The following ASAP2 variants were observed in gnomAD, a reference collection of about 807,000 sequenced individuals.
The protein encoded by ASAP2 is arf-GAP with SH3 domain, ANK repeat and PH domain-containing protein 2.
In ASAP2, 45 loss-of-function variants were observed where a neutral mutation model predicts 131.4. The ratio of observed to expected loss-of-function variants is 0.34; its 90% CI spans 0.27 to 0.44. ASAP2 has a LOEUF of 0.44. ASAP2 is among the 20% of genes least tolerant of loss of function. The probability of loss-of-function intolerance (pLI) is 1.00; values close to 1 mark genes in which losing one functional copy is unlikely to be tolerated. For synonymous variants in ASAP2, 510 were observed against 503.0 expected, an observed-to-expected ratio of 1.01 and a Z score of -0.19; for missense variants, 1,011 against 1,297.0, an observed-to-expected ratio of 0.78 and a Z score of 3.39.
intron 5 of ASAP2, among the ~76,000 whole-genome samples, chr2:9,322,110 C>A (rs951412942): frequency 4.6e-5 from 7 of 152,204 alleles, no homozygotes; most frequent in African/African-American, 1.7e-4. Context: ...TCCAGTCACA[C>A]TCCTTTCCGG....
At chr2:9,320,466 G>A in intron 5 of ASAP2, 129 bp downstream of exon 5, 1 of 672,704 alleles carries the variant, frequency 1.5e-6, no homozygotes. Flanking sequence ...CAGCCATGTT[G>A]CTGTGGTTCA....
intron 1 of ASAP2, among the ~76,000 whole-genome samples, chr2:9,254,231 A>G (rs1382145803): frequency 9.6e-6 from 1 of 104,122 alleles, no homozygotes; most frequent in East Asian, 2.0e-4. Flanking sequence ...AAAAAAAAAA[A>G]AAAAAATATA....
chr2:9,238,231 T>C (rs1421643363), intron 1 of ASAP2, among the ~76,000 whole-genome samples: 7 of 152,214 alleles, frequency 4.6e-5, no homozygotes, highest in African/African-American at 1.7e-4. Flanking sequence ...TTGTTCTGTT[T>C]TTAAAACCTC....
At chr2:9,280,123 C>T (rs1038345455) in intron 2 of ASAP2, among the ~76,000 whole-genome samples, 6 of 152,170 alleles carry the variant, frequency 3.9e-5, no homozygotes, top group South Asian at 2.1e-4. Context: ...GGAGCTTGCC[C>T]GTGCTCAGGT....
intron 11 of ASAP2, among the ~76,000 whole-genome samples, chr2:9,345,589 G>A (rs1362678458): frequency 6.6e-6 from 1 of 152,132 alleles, no homozygotes; most frequent in Non-Finnish European, 1.5e-5. Context: ...CAAGGCCGAG[G>A]TCGTTGCCTT....
chr2:9,329,137 C>T (rs1294962068), intron 7 of ASAP2, among the ~76,000 whole-genome samples: 1 of 152,124 alleles, frequency 6.6e-6, no homozygotes, highest in Non-Finnish European at 1.5e-5. Flanking sequence ...GGGGGAAGAA[C>T]ATTCCAGGCA....
intron 3 of ASAP2, among the ~76,000 whole-genome samples, chr2:9,298,271 C>T (rs1668273734): frequency 6.6e-6 from 1 of 152,132 alleles, no homozygotes; most frequent in African/African-American, 2.4e-5. Context: ...AAGCTCATAA[C>T]AAGTGAAAAA....
chr2:9,387,616 G>A (rs935816296), intron 21 of ASAP2, among the ~76,000 whole-genome samples: 1 of 152,118 alleles, frequency 6.6e-6, no homozygotes, highest in Non-Finnish European at 1.5e-5. Context: ...TTTGGGAAGG[G>A]GAACTTCAGG....
intron 2 of ASAP2, among the ~76,000 whole-genome samples, chr2:9,286,447 A>AAATATAT (rs58605449): frequency 3.4e-5 from 5 of 148,488 alleles, no homozygotes; most frequent in Admixed American, 1.3e-4. Flanking sequence ...GAAAAAAAAA[A>AAATATAT]ATATATATAT....
intron 12 of ASAP2, among the ~76,000 whole-genome samples, chr2:9,353,658 G>A (rs991422370): frequency 5.3e-5 from 8 of 152,194 alleles, no homozygotes; most frequent in Non-Finnish European, 7.3e-5. Context: ...GGCACTCCAT[G>A]GTCACCCATT....
At chr2:9,381,208 G>A (rs900857498) in intron 20 of ASAP2, among the ~76,000 whole-genome samples, 3 of 152,210 alleles carry the variant, frequency 2.0e-5, no homozygotes, top group African/African-American at 4.8e-5. Context: ...GATCATGTGG[G>A]TTGCTCAATA....
intron 1 of ASAP2, among the ~76,000 whole-genome samples, chr2:9,264,742 C>T (rs1313518630): frequency 6.6e-6 from 1 of 152,132 alleles, no homozygotes; most frequent in Non-Finnish European, 1.5e-5. Flanking sequence ...CATTGGCCCT[C>T]TGCACTTGTG....
Position 9,390,483 on chromosome 2 carries a change from C to G in ASAP2, c.2384-579C>G, listed in dbSNP as rs561451393. On this transcript the variant is annotated intron_variant, in intron 22 of 27. Transcript: ENST00000281419. ...GTGAGGCAGAAGAAGGGCTTGTGAC[C>G]TGGAAAATGCCATCTCTTGTGGGTC... 2.0e-5 allele frequency among the ~76,000 whole-genome samples: 3 copies of G among 152,340 alleles called. No homozygotes were observed. In the East Asian group the frequency reaches 5.8e-4, roughly 29 times the overall value.
chr2:9,300,963 G>A (rs1668436872), intron 3 of ASAP2, among the ~76,000 whole-genome samples: 1 of 152,234 alleles, frequency 6.6e-6, no homozygotes, highest in Non-Finnish European at 1.5e-5. Flanking sequence ...GGTTTTCCAG[G>A]CCAGCGCCGG....
intron 14 of ASAP2, among the ~76,000 whole-genome samples, chr2:9,357,348 G>A (rs1237984853): frequency 6.6e-6 from 1 of 152,052 alleles, no homozygotes; most frequent in Non-Finnish European, 1.5e-5. Context: ...GCGTGGTAGT[G>A]CGCACATGTA....
At chr2:9,215,851 C>T (rs948131196) in intron 1 of ASAP2, among the ~76,000 whole-genome samples, 1 of 152,066 alleles carries the variant, frequency 6.6e-6, no homozygotes. Flanking sequence ...GCGCTCTTGG[C>T]GGGGAGCCAT....
intron 1 of ASAP2, among the ~76,000 whole-genome samples, chr2:9,234,237 C>T (rs376739108): frequency 4.6e-5 from 7 of 151,954 alleles, no homozygotes; most frequent in South Asian, 2.1e-4. Flanking sequence ...TTCTTCTTGA[C>T]GCTATTTGTG....
At chr2:9,341,413 A>G (rs1182953578) in intron 9 of ASAP2, among the ~76,000 whole-genome samples, 1 of 152,224 alleles carries the variant, frequency 6.6e-6, no homozygotes. Context: ...TGCATGCTTC[A>G]ATTGGCCTAA....
intron 24 of ASAP2, among the ~76,000 whole-genome samples, chr2:9,398,639 C>G (rs775981461): frequency 1.3e-5 from 2 of 152,032 alleles, no homozygotes; most frequent in African/African-American, 4.8e-5. Flanking sequence ...GAAACCCCGT[C>G]TCTACTGAAA....
Sources: allele counts gnomAD v4.1 joint callset (sites outside exome capture counted in the v4.1 genomes callset), GRCh38; gene constraint gnomAD v4.1.1; transcripts MANE v1.5; gene names NCBI Gene and HGNC (gene_info 2026-07-23, HGNC 2026-07-21).